LAMA1: variants seen among roughly 807,000 people sequenced by gnomAD.
LAMA1 encodes laminin subunit alpha 1.
In LAMA1, 219 loss-of-function variants were observed where a neutral mutation model predicts 348.7. The observed-to-expected ratio is 0.63, with a 90% confidence interval of 0.56 to 0.70. The LOEUF (loss-of-function observed/expected upper bound fraction) is 0.70. Among genes scored for constraint, LAMA1 ranks in the 30% least tolerant of loss-of-function variants. The pLI is 0.00. For synonymous variants in LAMA1, 1,487 were observed against 1,491.0 expected, an observed-to-expected ratio of 1.00 and a Z score of 0.06; for missense variants, 3,744 against 3,888.0, an observed-to-expected ratio of 0.96 and a Z score of 0.99.
intron 1 of LAMA1, among the ~76,000 whole-genome samples, chr18:7,111,589 C>T (rs749209693): frequency 7.2e-5 from 11 of 152,198 alleles, no homozygotes; most frequent in Non-Finnish European, 1.5e-4. Context: ...CCCTGACAGA[C>T]GTGTTCCAAC....
At chr18:6,992,862 C>CCTG in intron 35 of LAMA1, 142 bp from the exon 36 acceptor site, 3 of 670,382 alleles carry the variant, frequency 4.5e-6, no homozygotes, top group South Asian at 1.8e-5. Context: ...GGCCACCTGG[C>CCTG]ATATCCCAGT....
chr18:6,964,349 G>A (rs2057622734), intron 51 of LAMA1, among the ~76,000 whole-genome samples: 1 of 152,160 alleles, frequency 6.6e-6, no homozygotes, highest in Admixed American at 6.5e-5. Context: ...AAGTTAGGAT[G>A]AGGTCATTAG....
chr18:6,973,066 T>C lies in LAMA1; in HGVS notation c.6765A>G (p.Gly2255=), dbSNP rs748680794. ...STLMFVGGLG[G]QIKKSPAVKV... is the part of the protein sequence containing the mutation. ...ACTTTCGTAATGTTACCTTGATTTG[T>C]CCTCCAAGACCTCCAACAAACATGA... The change falls in exon 47 of 63, where the codon GGA becomes GGG. Residue 2255 remains glycine, a synonymous_variant. Transcript: ENST00000389658. The C allele has an allele frequency of 3.7e-6, 6 of 1,614,192 alleles. 1 individual carries two copies. Among genetic ancestry groups the C allele is most frequent in the South Asian group, 3.3e-5 (3 of 91,082 alleles).
intron 52 of LAMA1, 79 bp from the exon 53 acceptor site, chr18:6,961,838 TC>T: frequency 6.3e-7 from 1 of 1,580,320 alleles, no homozygotes; most frequent in African/African-American, 1.3e-5. Flanking sequence ...ACTGCTGATT[TC>T]CCCATCATCT....
chr18:7,078,139 AT>A (rs1555664140), intron 3 of LAMA1, among the ~76,000 whole-genome samples: 63 of 140,846 alleles, frequency 4.5e-4, no homozygotes, highest in Admixed American at 2.3e-3. Context: ...TTCTCTTTTT[AT>A]TTTTTTTTGT....
At chr18:7,073,722 C>T (rs978222907) in intron 3 of LAMA1, among the ~76,000 whole-genome samples, 1 of 152,116 alleles carries the variant, frequency 6.6e-6, no homozygotes, top group Non-Finnish European at 1.5e-5. Context: ...GCTCTGAACA[C>T]TGGCATCTGT....
At chr18:6,942,363 T>C in intron 62 of LAMA1, 124 bp from the exon 63 acceptor site, 1 of 1,032,732 alleles carries the variant, frequency 9.7e-7, no homozygotes, top group Non-Finnish European at 1.4e-6. Flanking sequence ...ACTATCAAAA[T>C]TAGGAGAATA....
chr18:7,029,224 G>C (rs1328672972), intron 16 of LAMA1, among the ~76,000 whole-genome samples: 1 of 152,144 alleles, frequency 6.6e-6, no homozygotes, highest in African/African-American at 2.4e-5. Flanking sequence ...GATCTGAGGT[G>C]GGGCCTGAGT....
In LAMA1 at chr18:7,036,074, G is replaced by A. The variant is rs138401018; in HGVS notation, c.1752C>T (p.Gly584=). 4.9e-5 allele frequency: 79 copies of A among 1,613,438 alleles called. 1 individual carries two copies. The African/African-American group carries it at 9.9e-4, about 20-fold the overall frequency. The part of the protein sequence containing the change: ...AYLGNKLTAF[G]GFLKYTVSYD... Reference sequence around the variant, plus strand: ...AGGACACCGTGTATTTCAGGAATCCGCCAAACGCAGTCAGCTGAAATGTTT... The same window carrying A: ...AGGACACCGTGTATTTCAGGAATCCACCAAACGCAGTCAGCTGAAATGTTT... The change falls in exon 13 of 63, where the codon GGC becomes GGT. Residue 584 remains glycine (G), a synonymous_variant. Transcript: ENST00000389658.
At chr18:7,032,381 T>G (rs2057974205) in intron 15 of LAMA1, among the ~76,000 whole-genome samples, 1 of 152,188 alleles carries the variant, frequency 6.6e-6, no homozygotes, top group South Asian at 2.1e-4. Flanking sequence ...CATAATCCAG[T>G]TCCTTATTTC....
At chr18:6,944,328 T>A (rs747075129) in intron 61 of LAMA1, among the ~76,000 whole-genome samples, 2 of 152,180 alleles carry the variant, frequency 1.3e-5, no homozygotes, top group African/African-American at 4.8e-5. Context: ...GTCATACCTA[T>A]TGATAGCACC....
At chr18:6,977,467 A>G (rs2057687708) in intron 44 of LAMA1, among the ~76,000 whole-genome samples, 1 of 152,240 alleles carries the variant, frequency 6.6e-6, no homozygotes, top group East Asian at 1.9e-4. Flanking sequence ...ATAATGATAA[A>G]TCTCCATAAA....
At chr18:7,117,197 C>A (rs2058360648) in intron 1 of LAMA1, among the ~76,000 whole-genome samples, 1 of 152,174 alleles carries the variant, frequency 6.6e-6, no homozygotes, top group African/African-American at 2.4e-5. Flanking sequence ...GCTTGCGCAG[C>A]CGGACAATGA....
Position 7,116,298 on chromosome 18 carries a change from T to C in LAMA1, c.61+1362A>G, listed in dbSNP as rs181222562. On this transcript the variant is annotated intron_variant, in intron 1 of 62. Coordinates refer to ENST00000389658, the MANE Select transcript of LAMA1 (RefSeq NM_005559.4). ...CTACCCTGTGGGAAACCGGGACTTG[T>C]TCACCTTCAGCAGCCTGATAGACAG... 5.6e-3 allele frequency among the ~76,000 whole-genome samples: 857 copies of C among 152,316 alleles called. 8 individuals are homozygous for C. The highest frequency in any genetic ancestry group is 0.02 in the African/African-American group (822 of 41,576).
At chr18:7,105,560 C>A (rs1438006726) in intron 1 of LAMA1, among the ~76,000 whole-genome samples, 33 of 152,092 alleles carry the variant, frequency 2.2e-4, no homozygotes, top group African/African-American at 4.8e-5. Flanking sequence ...TGAGAAGGTG[C>A]AAGAGGAGAT....
chr18:7,109,883 C>T (rs1277543385), intron 1 of LAMA1, among the ~76,000 whole-genome samples: 5 of 152,074 alleles, frequency 3.3e-5, no homozygotes, highest in Non-Finnish European at 5.9e-5. Context: ...ATCACAGACC[C>T]GATAAAAAGC....
At chr18:6,965,911 A>T in intron 49 of LAMA1, 1 of 533,694 alleles carries the variant, frequency 1.9e-6, no homozygotes, top group Non-Finnish European at 3.3e-6. Flanking sequence ...CTAGAAGGCT[A>T]GTTTCTACTT....
In LAMA1 at chr18:6,948,367, T is replaced by G. The variant is rs144183948; in HGVS notation, c.8710+36A>C. The G allele has an allele frequency of 6.3e-4, 1,024 of 1,613,986 alleles. 9 individuals are homozygous for G. The African/African-American group carries it at 0.012, about 19-fold the overall frequency. ...ACATCGCTTTAGAGTACAGACTCAT[T>G]CGGGGACTGCCTTCGAGAGTGTTGC... is the stretch of plus-strand genomic sequence containing the variant. On this transcript the variant is annotated intron_variant, in intron 60 of 62. Transcript: ENST00000389658.
chr18:7,026,814 G>A (rs530464011), intron 16 of LAMA1, among the ~76,000 whole-genome samples: 39 of 152,166 alleles, frequency 2.6e-4, no homozygotes, highest in African/African-American at 9.1e-4. Context: ...TGGCTAACAC[G>A]GTGAAACCCC....
Sources: allele counts gnomAD v4.1 joint callset (sites outside exome capture counted in the v4.1 genomes callset), GRCh38; gene constraint gnomAD v4.1.1; transcripts MANE v1.5; gene names NCBI Gene and HGNC (gene_info 2026-07-23, HGNC 2026-07-21).